The following SLC24A2 variants were observed in gnomAD, a reference collection of about 807,000 sequenced individuals.
SLC24A2 encodes solute carrier family 24 member 2.
In SLC24A2, 36 loss-of-function variants were observed where a neutral mutation model predicts 62.0. That is an observed-to-expected ratio of 0.58 (90% CI 0.44 to 0.77). The LOEUF (loss-of-function observed/expected upper bound fraction) is 0.77. SLC24A2 is among the 30% of genes least tolerant of loss of function. The probability of loss-of-function intolerance (pLI) is 0.00; values close to 1 mark genes in which losing one functional copy is unlikely to be tolerated. For synonymous variants in SLC24A2, 358 were observed against 294.0 expected (o/e 1.22, Z -2.23); for missense variants, 846 against 817.9 (o/e 1.03, Z -0.42).
At chr9:20,139,242 G>A in the SLC24A2 span, among the ~76,000 whole-genome samples, 2 of 151,982 alleles carry the variant, frequency 1.3e-5, no homozygotes, top group Non-Finnish European at 2.9e-5. Flanking sequence ...TTAAATGCAG[G>A]GCCTCTGGAG....
rs534085866 is a variant in SLC24A2, at chr9:19,711,585, T to A, written c.930+74352A>T. On this transcript the variant is annotated intron_variant, in intron 2 of 10. Coordinates refer to ENST00000341998, the MANE Select transcript of SLC24A2 (RefSeq NM_020344.4). Reference sequence around the variant, plus strand: ...TTTCAAATCTGAGCCATTGCTGGCTTGATATAAAGATAATGCCTAGGATTT... The same window carrying A: ...TTTCAAATCTGAGCCATTGCTGGCTAGATATAAAGATAATGCCTAGGATTT... Among the ~76,000 whole-genome samples the A allele has an allele frequency of 5.3e-5, 8 of 152,354 alleles. No individual in the cohort carries two copies. The Middle Eastern group carries it at 0.014, about 259-fold the overall frequency.
intron 10 of SLC24A2, among the ~76,000 whole-genome samples, chr9:19,520,678 C>T (rs1286391588): frequency 6.6e-6 from 1 of 151,824 alleles, no homozygotes; most frequent in East Asian, 1.9e-4. Context: ...GTATGTGCTT[C>T]TGCTTGTCTA....
chr9:20,076,740 A>T, the SLC24A2 span, among the ~76,000 whole-genome samples: 181 of 152,034 alleles, frequency 1.2e-3, 1 homozygote, highest in East Asian at 0.018. Flanking sequence ...AGATGGAGAA[A>T]AGTGCCAAAA....
intron 2 of SLC24A2, among the ~76,000 whole-genome samples, chr9:19,755,949 A>T (rs771548390): frequency 6.6e-6 from 1 of 152,180 alleles, no homozygotes; most frequent in Non-Finnish European, 1.5e-5. Flanking sequence ...AATATATAGC[A>T]GTCATAATGA....
the SLC24A2 span, among the ~76,000 whole-genome samples, chr9:19,920,673 G>C: frequency 2.0e-5 from 3 of 152,186 alleles, no homozygotes; most frequent in Non-Finnish European, 4.4e-5. Flanking sequence ...TGTTAGGGCA[G>C]GGTTGAGTGT....
the SLC24A2 span, among the ~76,000 whole-genome samples, chr9:19,946,007 C>T: frequency 6.6e-6 from 1 of 152,286 alleles, no homozygotes; most frequent in South Asian, 2.1e-4. Flanking sequence ...AGGTCCCAAT[C>T]AGTTTCAAAA....
chr9:20,067,835 G>C, the SLC24A2 span, among the ~76,000 whole-genome samples: 1 of 152,016 alleles, frequency 6.6e-6, no homozygotes, highest in Admixed American at 6.6e-5. Context: ...TGAATAGTGT[G>C]GCAATGAATA....
chr9:19,772,689 A>G (rs752086645), intron 2 of SLC24A2, among the ~76,000 whole-genome samples: 7 of 152,210 alleles, frequency 4.6e-5, no homozygotes, highest in Non-Finnish European at 1.0e-4. Context: ...TATAATAAAA[A>G]AGCTAATAAC....
chr9:19,555,634 G>T (rs1193639148), intron 7 of SLC24A2, among the ~76,000 whole-genome samples: 1 of 152,180 alleles, frequency 6.6e-6, no homozygotes, highest in Non-Finnish European at 1.5e-5. Flanking sequence ...AAATTTTAGT[G>T]TAACTTTATC....
At chr9:19,703,399 C>A (rs936947170) in intron 2 of SLC24A2, among the ~76,000 whole-genome samples, 1 of 152,254 alleles carries the variant, frequency 6.6e-6, no homozygotes, top group African/African-American at 2.4e-5. Context: ...AGAGGGGTTG[C>A]AGAGGGCTTA....
intron 2 of SLC24A2, among the ~76,000 whole-genome samples, chr9:19,636,848 G>A (rs1004464564): frequency 2.6e-5 from 4 of 152,146 alleles, no homozygotes; most frequent in Non-Finnish European, 5.9e-5. Context: ...GAGGCAGCGG[G>A]AAGAGTGTCC....
the SLC24A2 span, among the ~76,000 whole-genome samples, chr9:20,019,820 C>T: frequency 6.6e-6 from 1 of 151,190 alleles, no homozygotes; most frequent in African/African-American, 2.4e-5. Flanking sequence ...GCAATCTATC[C>T]ATCTGACAGA....
intron 2 of SLC24A2, among the ~76,000 whole-genome samples, chr9:19,641,842 C>CA (rs1818502798): frequency 6.6e-6 from 1 of 152,194 alleles, no homozygotes; most frequent in Admixed American, 6.5e-5. Context: ...CCATTCTACT[C>CA]AGCTGTTCAA....
the SLC24A2 span, among the ~76,000 whole-genome samples, chr9:20,140,772 T>C: frequency 6.6e-6 from 1 of 152,192 alleles, no homozygotes; most frequent in Non-Finnish European, 1.5e-5. Flanking sequence ...GGATCCTGGT[T>C]TGGACAATAC....
the SLC24A2 span, among the ~76,000 whole-genome samples, chr9:20,149,461 T>A: frequency 6.6e-6 from 1 of 152,036 alleles, no homozygotes; most frequent in Non-Finnish European, 1.5e-5. Context: ...GGGTCATGTC[T>A]AAGATCAGAG....
At chr9:19,528,763 G>C (rs1187719585) in intron 8 of SLC24A2, among the ~76,000 whole-genome samples, 1 of 152,176 alleles carries the variant, frequency 6.6e-6, no homozygotes, top group African/African-American at 2.4e-5. Context: ...CCATGGACCA[G>C]AGTAGACAGA....
At chr9:20,133,790 C>G in the SLC24A2 span, among the ~76,000 whole-genome samples, 2 of 152,106 alleles carry the variant, frequency 1.3e-5, no homozygotes, top group African/African-American at 4.8e-5. Flanking sequence ...AACAACTGAA[C>G]AGTAAGCTCA....
chr9:20,088,004 C>G, the SLC24A2 span, among the ~76,000 whole-genome samples: 1 of 152,178 alleles, frequency 6.6e-6, no homozygotes, highest in Non-Finnish European at 1.5e-5. Context: ...TCCACTCCAC[C>G]AGGACCTTCA....
At chr9:19,765,052 C>T (rs1050775548) in intron 2 of SLC24A2, among the ~76,000 whole-genome samples, 1 of 151,896 alleles carries the variant, frequency 6.6e-6, no homozygotes, top group African/African-American at 2.4e-5. Context: ...TATGTAATGA[C>T]CTTCTTTGTC....
Sources: gnomAD v4.1 joint callset for allele counts (sites outside exome capture counted in the v4.1 genomes callset) on GRCh38, gnomAD v4.1.1 for gene constraint, MANE v1.5 for transcripts, NCBI Gene and HGNC (gene_info 2026-07-23, HGNC 2026-07-21) for gene names.